The following ZNF407 variants were observed in gnomAD, a reference collection of about 807,000 sequenced individuals.
The protein encoded by ZNF407 is zinc finger protein 407.
Under a neutral mutation model 131.2 loss-of-function variants are expected in ZNF407, and 17 were observed. The ratio of observed to expected loss-of-function variants is 0.13; its 90% CI spans 0.09 to 0.19. The LOEUF (loss-of-function observed/expected upper bound fraction) is 0.19, where lower values mean the gene tolerates loss of function less well. Among genes scored for constraint, ZNF407 ranks in the 10% least tolerant of loss-of-function variants. The pLI, the probability that ZNF407 is intolerant of heterozygous loss-of-function variation, is 1.00. For synonymous variants in ZNF407, 1,156 were observed against 1,062.0 expected (o/e 1.09, Z -1.72); for missense variants, 2,681 against 2,830.6 (o/e 0.95, Z 1.20).
At chr18:74,940,584 G>A (rs947533539) in intron 8 of ZNF407, among the ~76,000 whole-genome samples, 1 of 152,170 alleles carries the variant, frequency 6.6e-6, no homozygotes, top group African/African-American at 2.4e-5. Context: ...AACCAGTGAA[G>A]GTTGTAGCAG....
intron 3 of ZNF407, among the ~76,000 whole-genome samples, chr18:74,689,510 T>A (rs895195900): frequency 3.3e-5 from 5 of 152,256 alleles, no homozygotes; most frequent in Admixed American, 3.3e-4. Context: ...TTAATGGCAA[T>A]GCAAAGCAAC....
At chr18:74,902,759 C>CTCT (rs1482336610) in intron 7 of ZNF407, among the ~76,000 whole-genome samples, 1 of 152,180 alleles carries the variant, frequency 6.6e-6, no homozygotes, top group Admixed American at 6.5e-5. Context: ...ACTTAGGGAG[C>CTCT]TCTGTACAGC....
At chr18:74,716,839 C>T (rs1404842101) in intron 3 of ZNF407, among the ~76,000 whole-genome samples, 2 of 152,128 alleles carry the variant, frequency 1.3e-5, no homozygotes, top group African/African-American at 4.8e-5. Context: ...TGAAATAGAT[C>T]GCATTTTAAA....
intron 8 of ZNF407, among the ~76,000 whole-genome samples, chr18:75,012,866 G>A (rs1287769856): frequency 1.3e-5 from 2 of 151,288 alleles, no homozygotes; most frequent in Non-Finnish European, 2.9e-5. Context: ...TCAGCTACTG[G>A]CTCCTTAGAG....
At chr18:74,904,491 A>G (rs1159377081) in intron 7 of ZNF407, among the ~76,000 whole-genome samples, 7 of 152,202 alleles carry the variant, frequency 4.6e-5, no homozygotes, top group Non-Finnish European at 1.5e-5. Flanking sequence ...AGTCCAGCTT[A>G]GCCTTGTGTT....
rs1555699553 is a variant in ZNF407, at chr18:74,915,339, T to TGTGTGTGTGTGTGC, written c.5250-5174_5250-5161dup. 3.7e-4 allele frequency among the ~76,000 whole-genome samples: 56 copies of TGTGTGTGTGTGTGC among 150,662 alleles called. 1 individual carries two copies. Among genetic ancestry groups the TGTGTGTGTGTGTGC allele is most frequent in the African/African-American group, 1.4e-3 (56 of 40,858 alleles). ...AATCGGGAGTGTGTGTGTGTGTGTG[T>TGTGTGTGTGTGTGC]GTGTGTGTGTGTGCATGTGTGTGCT... On this transcript the variant is annotated intron_variant, in intron 7 of 8. Coordinates refer to ENST00000299687, the MANE Select transcript of ZNF407 (RefSeq NM_017757.3).
chr18:74,606,855 C>G (rs961094879), intron 1 of ZNF407, among the ~76,000 whole-genome samples: 12 of 152,150 alleles, frequency 7.9e-5, no homozygotes, highest in Non-Finnish European at 1.3e-4. Flanking sequence ...CGGTGTAATT[C>G]AGAGACTAGT....
chr18:74,732,166 G>A (rs1465936211), intron 3 of ZNF407, among the ~76,000 whole-genome samples: 1 of 152,178 alleles, frequency 6.6e-6, no homozygotes, highest in African/African-American at 2.4e-5. Flanking sequence ...AAATAATGGA[G>A]CCATTTTCTG....
At chr18:74,889,830 A>C in intron 6 of ZNF407, 88 bp from the exon 7 acceptor site, 1 of 1,209,664 alleles carries the variant, frequency 8.3e-7, no homozygotes, top group Admixed American at 2.5e-5. Flanking sequence ...ATGGAAATAA[A>C]TGTTTTTTAA....
intron 3 of ZNF407, among the ~76,000 whole-genome samples, chr18:74,672,275 T>A (rs1986169791): frequency 6.6e-6 from 1 of 152,230 alleles, no homozygotes; most frequent in South Asian, 2.1e-4. Flanking sequence ...CTCATTGTGG[T>A]TTTTATTTGC....
chr18:74,795,515 A>T (rs1445450304), intron 4 of ZNF407, among the ~76,000 whole-genome samples: 3 of 152,222 alleles, frequency 2.0e-5, no homozygotes, highest in Admixed American at 6.5e-5. Context: ...ATATTGAGGT[A>T]CTCTTACTTA....
chr18:74,764,179 C>G (rs777785456), intron 3 of ZNF407, among the ~76,000 whole-genome samples: 5 of 151,544 alleles, frequency 3.3e-5, no homozygotes, highest in Non-Finnish European at 7.4e-5. Context: ...CCCATTATTT[C>G]TTCAACTACT....
At chr18:74,630,240 G>A (rs1242936272) in intron 1 of ZNF407, among the ~76,000 whole-genome samples, 1 of 145,456 alleles carries the variant, frequency 6.9e-6, no homozygotes, top group South Asian at 2.2e-4. Context: ...GTGCAATCTC[G>A]GCTCACTGCA....
chr18:74,758,620 T>G (rs1447198448), intron 3 of ZNF407, among the ~76,000 whole-genome samples: 2 of 152,192 alleles, frequency 1.3e-5, no homozygotes, highest in Non-Finnish European at 2.9e-5. Context: ...AGATGGAGTC[T>G]TACTCTGTCA....
chr18:74,804,324 G>T lies in ZNF407; in HGVS notation c.4877+22822G>T, dbSNP rs933006214. ...AGTTAAAAAAAAAAAAACCCTTAATGATTCAGGGTTTATTTAAAGCTGACT... is the reference window on the plus strand; with the variant it reads ...AGTTAAAAAAAAAAAAACCCTTAATTATTCAGGGTTTATTTAAAGCTGACT... On this transcript the variant is annotated intron_variant, in intron 4 of 8. Coordinates refer to ENST00000299687, the MANE Select transcript of ZNF407 (RefSeq NM_017757.3). 8 of 1,110,084 alleles carry T rather than the reference G, an allele frequency of 7.2e-6. No individual in the cohort carries two copies. In the African/African-American group the frequency reaches 8.1e-5, roughly 11 times the overall value. The allele number at this position is 1,110,084 out of a possible 1,614,324, so 68.8% of individuals were successfully genotyped here.
At chr18:74,940,934 G>C (rs1030637694) in intron 8 of ZNF407, among the ~76,000 whole-genome samples, 2 of 152,106 alleles carry the variant, frequency 1.3e-5, no homozygotes, top group South Asian at 4.2e-4. Flanking sequence ...TCTATAATTG[G>C]GGTGGTAGAA....
chr18:74,697,766 C>G (rs1403983083), intron 3 of ZNF407, among the ~76,000 whole-genome samples: 1 of 152,058 alleles, frequency 6.6e-6, no homozygotes, highest in Admixed American at 6.6e-5. Flanking sequence ...CCAAGACCAG[C>G]AATTAATACA....
At chr18:74,676,494 T>C (rs955804230) in intron 3 of ZNF407, among the ~76,000 whole-genome samples, 75 of 150,958 alleles carry the variant, frequency 5.0e-4, no homozygotes, top group African/African-American at 1.6e-3. Context: ...TGGAGTGCAG[T>C]GGCGGGATCT....
At chr18:74,925,466 A>T (rs1343583790) in intron 8 of ZNF407, among the ~76,000 whole-genome samples, 2 of 152,234 alleles carry the variant, frequency 1.3e-5, no homozygotes, top group Non-Finnish European at 1.5e-5. Flanking sequence ...TTTTGTCTTA[A>T]CCATTACCCC....
Sources: allele counts gnomAD v4.1 joint callset (sites outside exome capture counted in the v4.1 genomes callset), GRCh38; gene constraint gnomAD v4.1.1; transcripts MANE v1.5; gene names NCBI Gene and HGNC (gene_info 2026-07-23, HGNC 2026-07-21).